CTNNA2: variants seen among roughly 807,000 people sequenced by gnomAD.
CTNNA2 encodes catenin alpha 2, also known as catenin alpha-2.
A neutral mutation model predicts 101.0 loss-of-function variants in CTNNA2; 42 were observed. The observed-to-expected ratio is 0.42, with a 90% CI of 0.32 to 0.54. The LOEUF (loss-of-function observed/expected upper bound fraction) is 0.54, where lower values mean the gene tolerates loss of function less well. Among genes scored for constraint, CTNNA2 ranks in the 20% least tolerant of loss-of-function variants. CTNNA2 has a pLI of 0.14. For synonymous variants in CTNNA2, 450 were observed against 456.4 expected, an observed-to-expected ratio of 0.99 and a Z score of 0.18; for missense variants, 871 against 1,223.1, an observed-to-expected ratio of 0.71 and a Z score of 4.29.
chr2:79,739,071 G>GTTTTTTTTTTT (rs76673709), intron 2 of CTNNA2, among the ~76,000 whole-genome samples: 12 of 133,730 alleles, frequency 9.0e-5, no homozygotes, highest in East Asian at 4.3e-4. Flanking sequence ...GGACTTTGCT[G>GTTTTTTTTTTT]TTTTTTTTTT....
chr2:79,858,840 C>A (rs1433854394), intron 4 of CTNNA2, among the ~76,000 whole-genome samples: 1 of 151,962 alleles, frequency 6.6e-6, no homozygotes, highest in Non-Finnish European at 1.5e-5. Context: ...TCTTTTAATT[C>A]TTTTGTTTCC....
intron 7 of CTNNA2, among the ~76,000 whole-genome samples, chr2:80,054,387 T>C (rs1697078902): frequency 6.6e-6 from 1 of 152,198 alleles, no homozygotes; most frequent in Admixed American, 6.5e-5. Flanking sequence ...ACAGAGTGAA[T>C]TGTACAGAGA....
intron 3 of CTNNA2, among the ~76,000 whole-genome samples, chr2:79,766,453 T>G (rs1673163487): frequency 6.6e-6 from 1 of 152,208 alleles, no homozygotes; most frequent in Non-Finnish European, 1.5e-5. Flanking sequence ...GCTTTTAGTA[T>G]CCTTTCTTTA....
chr2:80,023,775 C>A (rs1309277846), intron 7 of CTNNA2, among the ~76,000 whole-genome samples: 1 of 152,088 alleles, frequency 6.6e-6, no homozygotes, highest in African/African-American at 2.4e-5. Context: ...ATAGTTGCTG[C>A]CCCCAGAGGT....
At chr2:80,242,250 A>G (rs1011269001) in intron 7 of CTNNA2, among the ~76,000 whole-genome samples, 1 of 152,194 alleles carries the variant, frequency 6.6e-6, no homozygotes, top group Admixed American at 6.5e-5. Flanking sequence ...TTGGATTGAA[A>G]GGCTATTGTA....
chr2:80,328,681 A>C (rs576977478), intron 7 of CTNNA2, among the ~76,000 whole-genome samples: 1 of 152,306 alleles, frequency 6.6e-6, no homozygotes, highest in South Asian at 2.1e-4. Flanking sequence ...TGGTGTGTGA[A>C]TGTATTTGTG....
chr2:79,873,965 A>G, intron 5 of CTNNA2, 111 bp from the exon 6 acceptor site: 1 of 1,472,524 alleles, frequency 6.8e-7, no homozygotes, highest in Non-Finnish European at 9.0e-7. Flanking sequence ...AAACAGCACA[A>G]GGGTTTCTGA....
At chr2:80,439,735 T>A (rs1682386794) in intron 9 of CTNNA2, among the ~76,000 whole-genome samples, 1 of 152,162 alleles carries the variant, frequency 6.6e-6, no homozygotes, top group African/African-American at 2.4e-5. Flanking sequence ...GTTTGTATTG[T>A]ATGGTTTTAT....
intron 1 of CTNNA2, among the ~76,000 whole-genome samples, chr2:79,613,250 A>T (rs145156425): frequency 6.3e-4 from 96 of 151,878 alleles, no homozygotes; most frequent in African/African-American, 2.2e-3. Context: ...CTTCAACCTC[A>T]GGAAGTCATA....
At chr2:80,333,904 C>T (rs962063346) in intron 7 of CTNNA2, among the ~76,000 whole-genome samples, 5 of 152,142 alleles carry the variant, frequency 3.3e-5, no homozygotes, top group South Asian at 4.1e-4. Flanking sequence ...ATTATAGGCG[C>T]GAGCCACCAC....
intron 13 of CTNNA2, among the ~76,000 whole-genome samples, chr2:80,581,296 T>C (rs1313181028): frequency 6.6e-6 from 1 of 152,174 alleles, no homozygotes. Flanking sequence ...CCATCAGGTC[T>C]AGCCTTTGGC....
At position 79,860,555 on chromosome 2, in the gene CTNNA2, T is replaced by TTTTTTTTTTG. The variant is rs1553385397; in HGVS notation, c.465+2385_465+2386insGTTTTTTTTT. ...CAGCCGAGTAAGGGAAGTTTTTTTT[T>TTTTTTTTTTG]TTTTTTTTTTAACGATTTAGCACAA... On this transcript the variant is annotated intron_variant, in intron 4 of 18. Transcript: ENST00000402739. Among the ~76,000 whole-genome samples the TTTTTTTTTTG allele has an allele frequency of 2.0e-5, 3 of 149,870 alleles. 1 individual carries two copies. Among genetic ancestry groups the TTTTTTTTTTG allele is most frequent in the Non-Finnish European group, 4.4e-5 (3 of 67,602 alleles).
At chr2:79,592,261 C>G (rs1003791241) in intron 1 of CTNNA2, among the ~76,000 whole-genome samples, 2 of 151,650 alleles carry the variant, frequency 1.3e-5, no homozygotes, top group African/African-American at 4.9e-5. Flanking sequence ...GCTGGGATTA[C>G]AGGTGCCCAA....
intron 2 of CTNNA2, among the ~76,000 whole-genome samples, chr2:79,297,018 A>G (rs1675994278): frequency 6.6e-6 from 1 of 152,008 alleles, no homozygotes; most frequent in Non-Finnish European, 1.5e-5. Context: ...ATTTCATATC[A>G]TTCAACCATT....
chr2:79,686,798 G>T (rs564715348), intron 2 of CTNNA2, among the ~76,000 whole-genome samples: 1 of 152,116 alleles, frequency 6.6e-6, no homozygotes, highest in Non-Finnish European at 1.5e-5. Flanking sequence ...GATGATGTGG[G>T]TGTCCCAATT....
At position 79,994,117 on chromosome 2, in the gene CTNNA2, TA is replaced by T. The variant is rs201848607; in HGVS notation, c.1056+84321del. ...TGTGTTTTAGAGACAGGGGTCTTAC[TA>T]TGTTGCTCAGGCTGGTCTTGAACTC... On this transcript the variant is annotated intron_variant, in intron 7 of 18. Coordinates refer to ENST00000402739, the MANE Select transcript of CTNNA2 (RefSeq NM_001282597.3). Among the ~76,000 whole-genome samples the T allele has an allele frequency of 1.4e-3, 219 of 152,222 alleles. 2 individuals carry two copies. In the East Asian group the frequency reaches 0.036, roughly 25 times the overall value.
chr2:79,435,098 G>T (rs1678699258), intron 4 of CTNNA2, among the ~76,000 whole-genome samples: 1 of 152,078 alleles, frequency 6.6e-6, no homozygotes, highest in East Asian at 1.9e-4. Context: ...ATGAAGGTGT[G>T]GGGAGGTAGT....
In CTNNA2 at chr2:79,248,089, T is replaced by C. The variant is rs13425296; in HGVS notation, c.-406+50013T>C. Reference sequence around the variant, plus strand: ...CAGCCTACAGGAGTTTGTCAGAGCCTGTATTTATTTCCGACCAGTGGGGCA... The same window carrying C: ...CAGCCTACAGGAGTTTGTCAGAGCCCGTATTTATTTCCGACCAGTGGGGCA... On this transcript the variant is annotated intron_variant, in intron 2 of 21. Transcript: ENST00000466387. Among the ~76,000 whole-genome samples, 1,124 of 152,346 alleles carry C rather than the reference T, an allele frequency of 7.4e-3. 11 individuals are homozygous for C. The highest frequency in any genetic ancestry group is 0.025 in the African/African-American group (1,047 of 41,580).
At chr2:79,856,882 A>C (rs1681182070) in intron 3 of CTNNA2, among the ~76,000 whole-genome samples, 1 of 152,124 alleles carries the variant, frequency 6.6e-6, no homozygotes. Context: ...AACTGCATTT[A>C]CCCTATTAAC....
Sources: gnomAD v4.1 joint callset for allele counts (sites outside exome capture counted in the v4.1 genomes callset) on GRCh38, gnomAD v4.1.1 for gene constraint, MANE v1.5 for transcripts, NCBI Gene and HGNC (gene_info 2026-07-23, HGNC 2026-07-21) for gene names.